PREX1: variants seen among roughly 807,000 people sequenced by gnomAD.
The protein encoded by PREX1 is phosphatidylinositol 3,4,5-trisphosphate-dependent Rac exchanger 1 protein.
PREX1 carries 41 observed loss-of-function variants against 198.3 expected under a neutral mutation model. The observed-to-expected ratio is 0.21, with a 90% confidence interval of 0.16 to 0.27. The LOEUF is 0.27. Ranked by LOEUF, PREX1 falls within the 10% of genes least tolerant of loss-of-function variation. The pLI is 1.00. For missense variants in PREX1, 1,620 were observed against 2,200.7 expected (o/e 0.74, Z 5.28); for synonymous variants, 843 against 887.2 (o/e 0.95, Z 0.89).
At chr20:48,880,342 A>G in the PREX1 span, among the ~76,000 whole-genome samples, 2 of 152,194 alleles carry the variant, frequency 1.3e-5, no homozygotes, top group East Asian at 1.9e-4. Flanking sequence ...GACCAGGAAT[A>G]ACAGTGGCAT....
At chr20:48,692,450 A>C (rs2089824166) in intron 8 of PREX1, 1 of 447,252 alleles carries the variant, frequency 2.2e-6, no homozygotes, top group African/African-American at 1.9e-5. Context: ...AGGGGGAAGA[A>C]GGCATTGCAA....
At chr20:48,659,756 C>T (rs1424030158) in intron 16 of PREX1, among the ~76,000 whole-genome samples, 163 bp downstream of exon 16, 17 of 152,154 alleles carry the variant, frequency 1.1e-4, no homozygotes, top group Admixed American at 1.1e-3. Context: ...GCCAGTGATG[C>T]AGCCTGGCTT....
rs1236767558 is a variant in PREX1 at position 48,814,930 on chromosome 20, A to T, written c.219+12712T>A. On this transcript the variant is annotated intron_variant, in intron 1 of 39. Coordinates refer to ENST00000371941, the MANE Select transcript of PREX1 (RefSeq NM_020820.4). ...TAGGAGATGCACTTGGAATATAAAG[A>T]CACAGAGGCAGAAACGAAAAAAATG... 2.0e-5 allele frequency among the ~76,000 whole-genome samples: 3 copies of T among 152,236 alleles called. No individual in the cohort carries two copies. In the East Asian group the frequency reaches 5.8e-4, roughly 29 times the overall value.
chr20:48,632,745 G>C, intron 33 of PREX1, 106 bp from the exon 34 acceptor site: 1 of 1,293,486 alleles, frequency 7.7e-7, no homozygotes, highest in Non-Finnish European at 1.1e-6. Context: ...CCCAGGTCCA[G>C]GGGGGCACCC....
the PREX1 span, among the ~76,000 whole-genome samples, chr20:48,881,685 C>T: frequency 6.6e-6 from 1 of 152,126 alleles, no homozygotes; most frequent in African/African-American, 2.4e-5. Flanking sequence ...CGGGGTTTCA[C>T]CCTATTGGCC....
At position 48,636,676 on chromosome 20, in the gene PREX1, C is replaced by G. The variant is rs767185172; in HGVS notation, c.3954G>C (p.Glu1318Asp). Residue 1318 changes from glutamate (E) to aspartate (D), a missense_variant, in exon 32 of 40, where the codon GAG becomes GAC. Physicochemically the swap from Glu to Asp is conservative, Grantham distance 45. Coordinates refer to ENST00000371941, the MANE Select transcript of PREX1 (RefSeq NM_020820.4). ...LLALLKCTDT[E>D]LQLRRDAIFC... ...AGATCGCGTCTCTGCGCAGCTGCAGCTCCGTGTCTGGGGGCAGAGGGCAGG... is the reference window on the plus strand; with the variant it reads ...AGATCGCGTCTCTGCGCAGCTGCAGGTCCGTGTCTGGGGGCAGAGGGCAGG... 1.1e-5 allele frequency: 17 copies of G among 1,603,148 alleles called. No homozygotes were observed. The highest frequency in any genetic ancestry group is 1.4e-5 in the Non-Finnish European group (17 of 1,175,320).
intron 5 of PREX1, among the ~76,000 whole-genome samples, chr20:48,717,590 A>C (rs1021400854): frequency 2.6e-5 from 4 of 152,182 alleles, no homozygotes; most frequent in African/African-American, 9.6e-5. Flanking sequence ...GCATTGCAAA[A>C]AAAAACCCAC....
chr20:48,636,792 G>A, intron 31 of PREX1, 109 bp from the exon 32 acceptor site: 1 of 920,092 alleles, frequency 1.1e-6, no homozygotes, highest in Non-Finnish European at 1.6e-6. Context: ...CCCAGCAAAG[G>A]GCTAACATCA....
the PREX1 span, among the ~76,000 whole-genome samples, chr20:48,846,578 C>T: frequency 1.3e-5 from 2 of 152,204 alleles, no homozygotes; most frequent in Non-Finnish European, 2.9e-5. Context: ...CACTCCACAC[C>T]AGAGATTAAA....
intron 1 of PREX1, among the ~76,000 whole-genome samples, chr20:48,765,109 C>T (rs778265536): frequency 1.3e-5 from 2 of 152,180 alleles, no homozygotes; most frequent in East Asian, 1.9e-4. Context: ...AACATGTACA[C>T]GAAAGAAAAG....
chr20:48,791,339 C>T (rs2090338063), intron 1 of PREX1, among the ~76,000 whole-genome samples: 1 of 152,186 alleles, frequency 6.6e-6, no homozygotes, highest in Admixed American at 6.5e-5. Context: ...CTACCACGTG[C>T]TGGACGCTGT....
intron 26 of PREX1, among the ~76,000 whole-genome samples, chr20:48,644,706 G>A (rs550339304): frequency 6.9e-4 from 105 of 152,372 alleles, no homozygotes; most frequent in African/African-American, 2.3e-3. Flanking sequence ...GCTGGGAAAC[G>A]TTTCTAGGCT....
chr20:48,847,371 A>AAAAAAAAAAAAAAAC, the PREX1 span, among the ~76,000 whole-genome samples: 5 of 149,388 alleles, frequency 3.3e-5, no homozygotes, highest in African/African-American at 1.3e-4. Flanking sequence ...TTATAAAAAA[A>AAAAAAAAAAAAAAAC]AAAAAAAAAA....
intron 30 of PREX1, 66 bp from the exon 31 acceptor site, chr20:48,637,818 A>T: frequency 1.4e-6 from 2 of 1,456,110 alleles, no homozygotes; most frequent in Non-Finnish European, 1.9e-6. Context: ...TGAGGGCAGA[A>T]CCGGGCCCCT....
At chr20:48,690,308 G>A (rs918999479) in intron 9 of PREX1, among the ~76,000 whole-genome samples, 1 of 152,152 alleles carries the variant, frequency 6.6e-6, no homozygotes, top group Admixed American at 6.5e-5. Flanking sequence ...AAGACCTCCT[G>A]TAGCATTGCA....
chr20:48,709,630 C>T (rs749641257), intron 5 of PREX1, among the ~76,000 whole-genome samples: 10 of 152,124 alleles, frequency 6.6e-5, no homozygotes, highest in Admixed American at 1.3e-4. Flanking sequence ...CCTAAGGCCT[C>T]GAAGAAGTAC....
At position 48,624,534 on chromosome 20, in the gene PREX1, C is replaced by T. The variant is rs1223065357; in HGVS notation, c.*1351G>A. 6.6e-6 allele frequency: 1 copy of T among 152,336 alleles called. No homozygotes were observed. Among genetic ancestry groups the T allele is most frequent in the African/African-American group, 2.4e-5 (1 of 41,446 alleles). The allele number at this position is 152,336 out of a possible 1,614,324, so 9.4% of individuals were successfully genotyped here. On this transcript the variant is annotated 3_prime_UTR_variant, in exon 40 of 40. Coordinates refer to ENST00000371941, the MANE Select transcript of PREX1 (RefSeq NM_020820.4). ...CCGGGAGGGCTTCAAGCTCCCAGGC[C>T]TGGGGGCAGCAGGGAGCCCCCACCT...
At chr20:48,696,408 C>T (rs1246907534) in intron 7 of PREX1, among the ~76,000 whole-genome samples, 1 of 152,196 alleles carries the variant, frequency 6.6e-6, no homozygotes, top group Non-Finnish European at 1.5e-5. Context: ...TACTCCTAAA[C>T]TCACTATTCG....
At chr20:48,674,219 T>C (rs965191597) in intron 14 of PREX1, among the ~76,000 whole-genome samples, 1 of 152,228 alleles carries the variant, frequency 6.6e-6, no homozygotes, top group African/African-American at 2.4e-5. Flanking sequence ...AATGCACCCA[T>C]ATTTCACATT....
Sources: allele counts gnomAD v4.1 joint callset (sites outside exome capture counted in the v4.1 genomes callset), GRCh38; gene constraint gnomAD v4.1.1; transcripts MANE v1.5; gene names NCBI Gene and HGNC (gene_info 2026-07-23, HGNC 2026-07-21).